Variants in GIMAP6 observed in about 807,000 individuals in gnomAD.
GIMAP6 encodes GTPase, IMAP family member 6, also known as GTPase IMAP family member 6.
GIMAP6 carries 6 observed loss-of-function variants against 9.3 expected under a neutral mutation model. The observed-to-expected ratio is 0.65, with a 90% CI of 0.35 to 1.27. The LOEUF (loss-of-function observed/expected upper bound fraction) is 1.27, where lower values mean the gene tolerates loss of function less well. Among genes scored for constraint, GIMAP6 ranks in the 50% most tolerant of loss-of-function variants. The probability of loss-of-function intolerance (pLI) is 0.03; values close to 1 mark genes in which losing one functional copy is unlikely to be tolerated. For missense variants in GIMAP6, 333 were observed against 359.5 expected (o/e 0.93, Z 0.60); for synonymous variants, 156 against 151.1 (o/e 1.03, Z -0.24).
chr7:150,628,620 G>A (rs1020762900), intron 2 of GIMAP6, 108 bp from the exon 3 acceptor site: 9 of 1,592,168 alleles, frequency 5.7e-6, no homozygotes, highest in Non-Finnish European at 7.6e-6. Context: ...GGGGCAGATT[G>A]TAAAAGACCA....
At chr7:150,628,784 G>A in intron 2 of GIMAP6, 2 of 1,407,282 alleles carry the variant, frequency 1.4e-6, no homozygotes, top group Non-Finnish European at 1.9e-6. Context: ...AAGGTTTTTA[G>A]ATATGACTGG....
chr7:150,628,116 AC>A lies in GIMAP6; in HGVS notation c.481del (p.Val161CysfsTer30). 7.4e-6 allele frequency: 12 copies of A among 1,614,156 alleles called. 1 individual carries two copies. The highest frequency in any genetic ancestry group is 9.3e-6 in the Non-Finnish European group (11 of 1,180,016). ...AGCCAGGTCTTCCTTCCGGGTGAAC[AC>A]CAGGATGGTGTGACCCAGAACCCCC... is the stretch of plus-strand genomic sequence containing the variant. ...GVGVLGHTIL[V>X]FTRKEDLAGG... On this transcript the variant is annotated frameshift_variant, in exon 3 of 3. Transcript: ENST00000328902. LOFTEE classifies it low-confidence loss of function (END_TRUNC).
At position 150,629,856 on chromosome 7, in the gene GIMAP6, C is replaced by T. The variant is rs570932755; in HGVS notation, c.85+202G>A. Among the ~76,000 whole-genome samples the T allele has an allele frequency of 1.4e-3, 210 of 152,150 alleles. 6 individuals carry two copies. Among genetic ancestry groups the T allele is most frequent in the Non-Finnish European group, 4.4e-4 (30 of 68,002 alleles). On this transcript the variant is annotated intron_variant, in intron 2 of 2. Transcript: ENST00000328902. The stretch of plus-strand genomic sequence containing the variant: ...TTCTCGCCTCCTTTTATCTACCATA[C>T]CTATCCAGGGGTCTTTTTTCTTATT...
rs1796318398 is a variant in GIMAP6, at chr7:150,627,718, C to T, written c.*1G>A. 1.2e-6 allele frequency: 2 copies of T among 1,612,654 alleles called. No homozygotes were observed. Among genetic ancestry groups the T allele is most frequent in the East Asian group, 4.5e-5 (2 of 44,868 alleles). ...GTCCTTGGCTCAAGTCCAGCACAGG[C>T]TCAAAGGTCAGCCTTCCCCAGCAGG... On this transcript the variant is annotated 3_prime_UTR_variant, in exon 3 of 3. Transcript: ENST00000328902.
chr7:150,628,514 T>C lies in GIMAP6; in HGVS notation c.86-2A>G. 6.2e-7 allele frequency: 1 copy of C among 1,612,956 alleles called. No individual in the cohort carries two copies. The highest frequency in any genetic ancestry group is 8.5e-7 in the Non-Finnish European group (1 of 1,180,010). On this transcript the variant is annotated splice_acceptor_variant, in intron 2 of 2. Coordinates refer to ENST00000328902, the MANE Select transcript of GIMAP6 (RefSeq NM_024711.6). LOFTEE classifies it high-confidence loss of function. ...TCTTCTGTTCTTTCTCCCTTAGACC[T>C]AGAAATATCCAAAGAAAGCAGAGGG... is the stretch of plus-strand genomic sequence containing the variant.
intron 1 of GIMAP6, among the ~76,000 whole-genome samples, chr7:150,631,042 C>T (rs570048549): frequency 6.6e-6 from 1 of 152,268 alleles, no homozygotes; most frequent in East Asian, 1.9e-4. Context: ...GAGGAAGTTG[C>T]ATGGTCCATG....
rs1161040671 is a variant in GIMAP6 at position 150,628,005 on chromosome 7, C to A, written c.593G>T (p.Gly198Val). ...LDVTLARRHC[G>V]FNNRAQGEEQ... is the part of the protein sequence containing the mutation. ...CTCCCCCTGTGCCCTGTTGTTGAAG[C>A]CGCAATGGCGCCGTGCAAGGGTCAC... The change falls in exon 3 of 3, where the codon GGC (glycine) becomes GTC (valine). Residue 198 changes from glycine (G) to valine (V), a missense_variant. Gly to Val is a moderately radical substitution (Grantham distance 109). Transcript: ENST00000328902. 3.7e-6 allele frequency: 6 copies of A among 1,614,154 alleles called. No homozygotes were observed. Among genetic ancestry groups the A allele is most frequent in the Non-Finnish European group, 3.4e-6 (4 of 1,180,054 alleles).
In GIMAP6 at chr7:150,627,941, A is replaced by C. The variant is rs1362944045; in HGVS notation, c.657T>G (p.Val219=). 7.4e-6 allele frequency: 12 copies of C among 1,614,232 alleles called. No homozygotes were observed. The highest frequency in any genetic ancestry group is 1.0e-5 in the Non-Finnish European group (12 of 1,180,030). Residue 219 remains valine (V), a synonymous_variant, in exon 3 of 3, where the codon GTT becomes GTG. Coordinates refer to ENST00000328902, the MANE Select transcript of GIMAP6 (RefSeq NM_024711.6). ...EAQLRELMEK[V]EAIMWENEGD... ...CTTCGTTTTCCCACATAATGGCTTC[A>C]ACTTTCTCCATGAGCTCTCGCAGTT...
intron 1 of GIMAP6, among the ~76,000 whole-genome samples, chr7:150,631,394 C>A (rs1275323339): frequency 6.6e-6 from 1 of 152,200 alleles, no homozygotes; most frequent in African/African-American, 2.4e-5. Context: ...CAGCCAGATT[C>A]TGGAAGGAGT....
At chr7:150,629,961 C>G in intron 2 of GIMAP6, 97 bp downstream of exon 2, 1 of 821,134 alleles carries the variant, frequency 1.2e-6, no homozygotes, top group Non-Finnish European at 2.0e-6. Context: ...GACTGGGGGA[C>G]GTCAGCTTCC....
intron 1 of GIMAP6, among the ~76,000 whole-genome samples, chr7:150,630,642 T>C (rs1414587621): frequency 6.6e-6 from 1 of 152,186 alleles, no homozygotes; most frequent in African/African-American, 2.4e-5. Flanking sequence ...TTGGTGGGCC[T>C]TGGGGCCAGA....
Position 150,627,676 on chromosome 7 carries a change from G to C in GIMAP6, c.*43C>G. On this transcript the variant is annotated 3_prime_UTR_variant, in exon 3 of 3. Coordinates refer to ENST00000328902, the MANE Select transcript of GIMAP6 (RefSeq NM_024711.6). ...GAAACAGAGGGCTGGACACAGGGGG[G>C]TGCAAAGGCTGATGGTGTCCTTGGC... The C allele has an allele frequency of 1.2e-6, 2 of 1,610,678 alleles. No individual in the cohort carries two copies. Among genetic ancestry groups the C allele is most frequent in the Non-Finnish European group, 8.5e-7 (1 of 1,177,574 alleles).
chr7:150,628,394 A>G lies in GIMAP6; in HGVS notation c.204T>C (p.Ser68=), dbSNP rs144184976. The stretch of plus-strand genomic sequence containing the variant: ...TGGTCACGGGTCTGGTGCTGAGTTT[A>G]GACTCGAAGACGTCCCTGCCGAGGA... ...NSILGRDVFE[S]KLSTRPVTKT... is the part of the protein sequence containing the mutation. Residue 68 remains serine, a synonymous_variant, in exon 3 of 3, where the codon TCT becomes TCC. Coordinates refer to ENST00000328902, the MANE Select transcript of GIMAP6 (RefSeq NM_024711.6). 2.7e-5 allele frequency: 43 copies of G among 1,614,132 alleles called. No individual in the cohort carries two copies. In the East Asian group the frequency reaches 3.8e-4, roughly 14 times the overall value.
Position 150,630,038 on chromosome 7 carries a change from C to T in GIMAP6, c.85+20G>A, listed in dbSNP as rs757087270. The T allele has an allele frequency of 2.0e-6, 3 of 1,525,084 alleles. No homozygotes were observed. The highest frequency in any genetic ancestry group is 1.8e-6 in the Non-Finnish European group (2 of 1,110,022). The allele number at this position is 1,525,084 out of a possible 1,614,324, so 94.5% of individuals were successfully genotyped here. ...ACCCCAAATGTTTCCCACTTGCTCCCCTCTCCTCATTCATTTTACCTCCTG... is the reference window on the plus strand; with the variant it reads ...ACCCCAAATGTTTCCCACTTGCTCCTCTCTCCTCATTCATTTTACCTCCTG... On this transcript the variant is annotated intron_variant, in intron 2 of 2. Transcript: ENST00000328902.
chr7:150,627,948 T>A lies in GIMAP6; in HGVS notation c.650A>T (p.Glu217Val). The part of the protein sequence containing the change: ...EQEAQLRELM[E>V]KVEAIMWENE... ...TTCCCACATAATGGCTTCAACTTTC[T>A]CCATGAGCTCTCGCAGTTGGGCCTC... Residue 217 changes from glutamate to valine, a missense_variant, in exon 3 of 3, where the codon GAG becomes GTG. Glu to Val is a moderately radical substitution (Grantham distance 121). Coordinates refer to ENST00000328902, the MANE Select transcript of GIMAP6 (RefSeq NM_024711.6). 1 of 1,614,262 alleles carries A rather than the reference T, an allele frequency of 6.2e-7. No homozygotes were observed. Among genetic ancestry groups the A allele is most frequent in the Non-Finnish European group, 8.5e-7 (1 of 1,180,038 alleles).
intron 1 of GIMAP6, among the ~76,000 whole-genome samples, chr7:150,630,549 G>A (rs1010536359): frequency 6.6e-6 from 1 of 152,216 alleles, no homozygotes; most frequent in African/African-American, 2.4e-5. Context: ...GTGTGATTCT[G>A]ATCCTGTGTT....
rs796936329 is a variant in GIMAP6 at position 150,625,690 on chromosome 7, T to C, written c.*2029A>G. On this transcript the variant is annotated 3_prime_UTR_variant, in exon 3 of 3. Coordinates refer to ENST00000328902, the MANE Select transcript of GIMAP6 (RefSeq NM_024711.6). ...AACATAAATGTAAGACATTGCCAACTAGAATACCAATATGATTTTGGGGGG... is the reference window on the plus strand; with the variant it reads ...AACATAAATGTAAGACATTGCCAACCAGAATACCAATATGATTTTGGGGGG... The C allele has an allele frequency of 2.0e-5, 3 of 152,220 alleles. No homozygotes were observed. Among genetic ancestry groups the C allele is most frequent in the African/African-American group, 7.2e-5 (3 of 41,536 alleles). 9.4% of individuals were successfully genotyped at this position (152,220 alleles called of 1,614,324 possible). A position where few individuals can be genotyped will look rare whatever the true frequency, so the allele number is the denominator to read the frequency against.
In GIMAP6 at chr7:150,627,667, C is replaced by T; in HGVS notation, c.*52G>A. 1.2e-6 allele frequency: 2 copies of T among 1,608,300 alleles called. No homozygotes were observed. The highest frequency in any genetic ancestry group is 1.7e-6 in the Non-Finnish European group (2 of 1,175,426). ...ATGGAAAGAGAAACAGAGGGCTGGA[C>T]ACAGGGGGGTGCAAAGGCTGATGGT... is the stretch of plus-strand genomic sequence containing the variant. On this transcript the variant is annotated 3_prime_UTR_variant, in exon 3 of 3. Coordinates refer to ENST00000328902, the MANE Select transcript of GIMAP6 (RefSeq NM_024711.6).
At chr7:150,628,598 C>T (rs1796341414) in intron 2 of GIMAP6, 86 bp from the exon 3 acceptor site, 3 of 1,595,864 alleles carry the variant, frequency 1.9e-6, no homozygotes, top group Non-Finnish European at 2.5e-6. Context: ...CTGGGTGTAC[C>T]CCCAGACTGC....
Sources: gnomAD v4.1 joint callset for allele counts (sites outside exome capture counted in the v4.1 genomes callset) on GRCh38, gnomAD v4.1.1 for gene constraint, MANE v1.5 for transcripts, NCBI Gene and HGNC (gene_info 2026-07-23, HGNC 2026-07-21) for gene names.